The following TNC variants were observed in gnomAD, a reference collection of about 807,000 sequenced individuals.
The protein encoded by TNC is tenascin C.
TNC carries 109 observed loss-of-function variants against 202.4 expected under a neutral mutation model. That is an observed-to-expected ratio of 0.54 (90% confidence interval 0.46 to 0.63). TNC has a LOEUF of 0.63. Among genes scored for constraint, TNC ranks in the 30% least tolerant of loss-of-function variants. The pLI is 0.00. For synonymous variants in TNC, 1,007 were observed against 1,089.7 expected (o/e 0.92, Z 1.50); for missense variants, 2,756 against 2,833.3 (o/e 0.97, Z 0.62).
At chr9:115,023,262 G>A (rs1829224683) in intron 27 of TNC, among the ~76,000 whole-genome samples, 1 of 152,296 alleles carries the variant, frequency 6.6e-6, no homozygotes, top group Non-Finnish European at 1.5e-5. Flanking sequence ...TCTGTGGAGG[G>A]ACCTGGGCAG....
chr9:115,111,400 T>TCTC (rs1554725300), intron 1 of TNC, among the ~76,000 whole-genome samples: 1 of 7,952 alleles, frequency 1.3e-4, no homozygotes, highest in Non-Finnish European at 4.7e-4. Flanking sequence ...TCTCTCTCTC[T>TCTC]TTTTTTTTTT....
intron 2 of TNC, among the ~76,000 whole-genome samples, chr9:115,087,698 CT>C (rs752435283): frequency 0.086 from 10,178 of 118,072 alleles, 208 homozygotes; most frequent in Middle Eastern, 0.13. Context: ...TCTTTCTTTT[CT>C]TTTTTTTTTT....
At chr9:115,104,459 G>A (rs1836462473) in intron 1 of TNC, among the ~76,000 whole-genome samples, 1 of 152,168 alleles carries the variant, frequency 6.6e-6, no homozygotes, top group African/African-American at 2.4e-5. Context: ...TTTTAAGAAG[G>A]CATTGTGATG....
chr9:115,073,576 T>G (rs943533627), intron 10 of TNC, 27 bp downstream of exon 10: 2 of 1,599,990 alleles, frequency 1.3e-6, no homozygotes, highest in Non-Finnish European at 8.5e-7. Flanking sequence ...CAACCTAGAG[T>G]TTGGAGGAAG....
At chr9:115,097,605 C>A (rs796745208) in intron 1 of TNC, among the ~76,000 whole-genome samples, 2 of 152,198 alleles carry the variant, frequency 1.3e-5, no homozygotes, top group African/African-American at 2.4e-5. Context: ...GGATACAACT[C>A]CAGTAGGTGG....
At chr9:115,046,866 G>T (rs1831241400) in intron 16 of TNC, among the ~76,000 whole-genome samples, 184 bp from the exon 17 acceptor site, 1 of 152,154 alleles carries the variant, frequency 6.6e-6, no homozygotes, top group Non-Finnish European at 1.5e-5. Flanking sequence ...CAGGAGAGGG[G>T]AAAGATGGAG....
At chr9:115,077,385 G>T (rs1471536225) in intron 7 of TNC, among the ~76,000 whole-genome samples, 2 of 152,086 alleles carry the variant, frequency 1.3e-5, no homozygotes, top group South Asian at 4.1e-4. Context: ...TAGAGACAGG[G>T]TTTTGCCATG....
intron 16 of TNC, among the ~76,000 whole-genome samples, chr9:115,048,009 A>C (rs1831338742): frequency 6.6e-6 from 1 of 152,226 alleles, no homozygotes. Context: ...GCTATGGACA[A>C]GACAAGGTCT....
chr9:115,070,774 T>A (rs763170834), intron 10 of TNC, among the ~76,000 whole-genome samples: 6 of 152,218 alleles, frequency 3.9e-5, no homozygotes, highest in Non-Finnish European at 7.3e-5. Flanking sequence ...AACCTAAAAC[T>A]CTGCAACATT....
chr9:115,087,166 C>A lies in TNC; in HGVS notation c.565G>T (p.Glu189Ter). 1.9e-6 allele frequency: 3 copies of A among 1,614,234 alleles called. No homozygotes were observed. The highest frequency in any genetic ancestry group is 1.1e-5 in the South Asian group (1 of 91,088). Reference sequence around the variant, plus strand: ...CGAAGGTGACAGTTGCCTGGACATTCGGGCTCAGAGCAGTTGGGGCCTTTC... The same window carrying A: ...CGAAGGTGACAGTTGCCTGGACATTAGGGCTCAGAGCAGTTGGGGCCTTTC... ...GWKGPNCSEP[E>*]CPGNCHLRGR... The change falls in exon 3 of 28, where the codon GAA becomes TAA. Residue 189 changes from glutamate (E) to a stop codon, truncating the protein, a stop_gained. Transcript: ENST00000350763. LOFTEE classifies it high-confidence loss of function.
chr9:115,099,932 A>T (rs1330355), intron 1 of TNC, among the ~76,000 whole-genome samples: 57,086 of 151,770 alleles, frequency 0.38, 12,051 homozygotes, highest in East Asian at 0.61. Flanking sequence ...TAGGAAAATG[A>T]GGAGGCTGTG....
chr9:115,088,932 A>C (rs1835004378), intron 2 of TNC, among the ~76,000 whole-genome samples: 1 of 152,126 alleles, frequency 6.6e-6, no homozygotes, highest in Non-Finnish European at 1.5e-5. Context: ...GGCTCTGTTG[A>C]ATTAAATAAG....
chr9:115,078,093 C>T lies in TNC; in HGVS notation c.2524G>A (p.Val842Met), dbSNP rs1264066759. 9 of 1,614,120 alleles carry T rather than the reference C, an allele frequency of 5.6e-6. No homozygotes were observed. The highest frequency in any genetic ancestry group is 5.3e-5 in the African/African-American group (4 of 75,012). Residue 842 changes from valine (V) to methionine (M), a missense_variant, in exon 7 of 28, where the codon GTG becomes ATG. Transcript: ENST00000350763. ...GIELTYGIKD[V>M]PGDRTTIDLT... Reference sequence around the variant, plus strand: ...TCGATGGTGGTACGGTCTCCTGGCACGTCTTTGATGCCGTAGGTCAGCTCA... The same window carrying T: ...TCGATGGTGGTACGGTCTCCTGGCATGTCTTTGATGCCGTAGGTCAGCTCA...
chr9:115,049,509 A>G (rs1831482961), intron 15 of TNC, among the ~76,000 whole-genome samples: 1 of 152,122 alleles, frequency 6.6e-6, no homozygotes, highest in Non-Finnish European at 1.5e-5. Context: ...CTGAGATACA[A>G]TCAGGTCTTC....
At chr9:115,038,877 G>A (rs1830531343) in intron 19 of TNC, among the ~76,000 whole-genome samples, 1 of 151,544 alleles carries the variant, frequency 6.6e-6, no homozygotes. Context: ...GCCCATGCTG[G>A]AGTGCAGTGG....
intron 20 of TNC, among the ~76,000 whole-genome samples, chr9:115,037,671 G>A (rs946458197): frequency 6.6e-6 from 1 of 152,110 alleles, no homozygotes; most frequent in Non-Finnish European, 1.5e-5. Flanking sequence ...GGGACTACAG[G>A]CATGCACCAC....
chr9:115,039,191 C>T (rs16932085), intron 19 of TNC, among the ~76,000 whole-genome samples: 2,594 of 152,262 alleles, frequency 0.017, 123 homozygotes, highest in East Asian at 0.1. Context: ...GAACATAAAG[C>T]CAGGCTCTGG....
At chr9:115,031,510 A>T in intron 23 of TNC, 43 bp downstream of exon 23, 1 of 1,471,586 alleles carries the variant, frequency 6.8e-7, no homozygotes, top group Non-Finnish European at 9.0e-7. Flanking sequence ...TGATTCAGTC[A>T]AAGTTAGATC....
At chr9:115,103,738 G>A (rs1836408249) in intron 1 of TNC, among the ~76,000 whole-genome samples, 1 of 152,150 alleles carries the variant, frequency 6.6e-6, no homozygotes, top group Non-Finnish European at 1.5e-5. Context: ...CAAGTCAACT[G>A]GCCAACATTA....
Sources: allele counts gnomAD v4.1 joint callset (sites outside exome capture counted in the v4.1 genomes callset), GRCh38; gene constraint gnomAD v4.1.1; transcripts MANE v1.5; gene names NCBI Gene and HGNC (gene_info 2026-07-23, HGNC 2026-07-21).